Variants in NTNG1 observed in about 807,000 individuals in gnomAD.
NTNG1 encodes netrin-G1.
In NTNG1, 16 loss-of-function variants were observed where a neutral mutation model predicts 54.0. The observed-to-expected ratio is 0.30, with a 90% CI of 0.20 to 0.45. The LOEUF is 0.45. Ranked by LOEUF, NTNG1 falls within the 20% of genes least tolerant of loss-of-function variation. The pLI is 1.00. For synonymous variants in NTNG1, 255 were observed against 263.1 expected (o/e 0.97, Z 0.30); for missense variants, 530 against 678.7 (o/e 0.78, Z 2.43).
intron 2 of NTNG1, among the ~76,000 whole-genome samples, chr1:107,187,408 AC>A (rs1273511578): frequency 6.6e-6 from 1 of 152,092 alleles, no homozygotes; most frequent in Non-Finnish European, 1.5e-5. Flanking sequence ...CTTACCACCA[AC>A]CAATTTCAAG....
intron 3 of NTNG1, among the ~76,000 whole-genome samples, chr1:107,381,743 A>G (rs893237015): frequency 6.6e-6 from 1 of 152,242 alleles, no homozygotes; most frequent in Non-Finnish European, 1.5e-5. Flanking sequence ...TTACATAACT[A>G]GGAATCCAGG....
intron 7 of NTNG1, among the ~76,000 whole-genome samples, chr1:107,454,320 C>T (rs1676800170): frequency 6.6e-6 from 1 of 152,170 alleles, no homozygotes; most frequent in Non-Finnish European, 1.5e-5. Context: ...GAATCAACAA[C>T]TATTGCACCC....
At position 107,200,078 on chromosome 1, in the gene NTNG1, A is replaced by C. The variant is rs143777805; in HGVS notation, c.246+51239A>C. Among the ~76,000 whole-genome samples the C allele has an allele frequency of 2.7e-3, 411 of 151,896 alleles. 4 individuals are homozygous for C. The highest frequency in any genetic ancestry group is 9.6e-3 in the African/African-American group (400 of 41,502). On this transcript the variant is annotated intron_variant, in intron 2 of 7. Transcript: ENST00000370068. ...TATGATTTGTTCCTTCTTTAGCCAG[A>C]TATGTACTCTAGTGACAATGCCAGA...
At chr1:107,168,249 T>G (rs1655960176) in intron 2 of NTNG1, among the ~76,000 whole-genome samples, 1 of 151,862 alleles carries the variant, frequency 6.6e-6, no homozygotes, top group South Asian at 2.1e-4. Flanking sequence ...ACTGGTAAAG[T>G]CCTCATTTTC....
chr1:107,383,349 A>T (rs1361286351), intron 3 of NTNG1, among the ~76,000 whole-genome samples: 1 of 152,182 alleles, frequency 6.6e-6, no homozygotes, highest in African/African-American at 2.4e-5. Context: ...CTTTTCTCAC[A>T]GTTTCCCCTA....
chr1:107,354,510 G>C (rs1389191953), intron 3 of NTNG1, among the ~76,000 whole-genome samples: 3 of 144,798 alleles, frequency 2.1e-5, no homozygotes, highest in East Asian at 2.0e-4. Flanking sequence ...ATCACCCCAA[G>C]TATTATGATA....
chr1:107,431,014 C>T, intron 6 of NTNG1, 97 bp downstream of exon 6: 1 of 1,067,234 alleles, frequency 9.4e-7, no homozygotes, highest in Non-Finnish European at 1.4e-6. Flanking sequence ...CGCGGTTGAG[C>T]CAGAATGAAC....
intron 7 of NTNG1, among the ~76,000 whole-genome samples, chr1:107,459,016 A>G (rs1677118559): frequency 1.3e-5 from 2 of 152,134 alleles, no homozygotes; most frequent in South Asian, 2.1e-4. Context: ...CATTTTCCAT[A>G]TGTATTGTTT....
chr1:107,284,739 G>A (rs1411273681), intron 2 of NTNG1, among the ~76,000 whole-genome samples: 1 of 151,964 alleles, frequency 6.6e-6, no homozygotes, highest in Non-Finnish European at 1.5e-5. Flanking sequence ...AAGTGTGCTG[G>A]CATAACTATG....
At chr1:107,439,517 T>C (rs1246397549) in intron 7 of NTNG1, among the ~76,000 whole-genome samples, 1 of 152,082 alleles carries the variant, frequency 6.6e-6, no homozygotes, top group Non-Finnish European at 1.5e-5. Context: ...TTCTAGCTAC[T>C]AAGTAAAGAA....
intron 2 of NTNG1, among the ~76,000 whole-genome samples, chr1:107,169,747 G>C (rs1490047044): frequency 6.6e-6 from 1 of 152,156 alleles, no homozygotes; most frequent in African/African-American, 2.4e-5. Flanking sequence ...TATCAGTCAG[G>C]GTTAGTCATT....
chr1:107,483,772 A>G lies in NTNG1; in HGVS notation c.*2932A>G, dbSNP rs1178739878. Among the ~76,000 whole-genome samples, 1 of 152,216 alleles carries G rather than the reference A, an allele frequency of 6.6e-6. No homozygotes were observed. Among genetic ancestry groups the G allele is most frequent in the Non-Finnish European group, 1.5e-5 (1 of 68,040 alleles). ...CAACTTTCCCACATAGAACTGATAT[A>G]ATTCCTTCTATCAATAATATTGATG... is the stretch of plus-strand genomic sequence containing the variant. On this transcript the variant is annotated 3_prime_UTR_variant, in exon 8 of 8. Coordinates refer to ENST00000370068, the MANE Select transcript of NTNG1 (RefSeq NM_001113226.3).
At chr1:107,144,180 A>G (rs1653940980) in intron 1 of NTNG1, among the ~76,000 whole-genome samples, 1 of 152,140 alleles carries the variant, frequency 6.6e-6, no homozygotes, top group African/African-American at 2.4e-5. Context: ...AATAAATTTC[A>G]TTATGACTGT....
intron 2 of NTNG1, among the ~76,000 whole-genome samples, chr1:107,258,442 T>TA (rs1287400604): frequency 1.3e-5 from 2 of 152,010 alleles, no homozygotes; most frequent in South Asian, 2.1e-4. Context: ...TGCATTTTAT[T>TA]AAAAAAAATA....
chr1:107,315,250 T>G (rs1241315344), intron 2 of NTNG1, among the ~76,000 whole-genome samples: 1 of 152,108 alleles, frequency 6.6e-6, no homozygotes, highest in Non-Finnish European at 1.5e-5. Context: ...TTCTGTCCAT[T>G]TCCACTCCTC....
chr1:107,244,257 T>C (rs1662036590), intron 2 of NTNG1, among the ~76,000 whole-genome samples: 1 of 152,262 alleles, frequency 6.6e-6, no homozygotes, highest in Non-Finnish European at 1.5e-5. Context: ...AAAGTACTAA[T>C]AAAATAGATA....
intron 2 of NTNG1, among the ~76,000 whole-genome samples, chr1:107,152,029 T>TAC (rs1654609383): frequency 6.8e-6 from 1 of 148,052 alleles, no homozygotes; most frequent in African/African-American, 2.6e-5. Context: ...TACATATATA[T>TAC]ATACATACAT....
chr1:107,342,326 G>A (rs192561506), intron 3 of NTNG1, among the ~76,000 whole-genome samples: 1 of 152,022 alleles, frequency 6.6e-6, no homozygotes, highest in African/African-American at 2.4e-5. Context: ...TAATTACAGA[G>A]GCATTACCAT....
intron 2 of NTNG1, among the ~76,000 whole-genome samples, chr1:107,295,720 G>GTA (rs531794918): frequency 0.011 from 1,658 of 150,882 alleles, 20 homozygotes; most frequent in African/African-American, 0.032. Flanking sequence ...TGCATAGAAA[G>GTA]TATATATATA....
Sources: allele counts gnomAD v4.1 joint callset (sites outside exome capture counted in the v4.1 genomes callset), GRCh38; gene constraint gnomAD v4.1.1; transcripts MANE v1.5; gene names NCBI Gene and HGNC (gene_info 2026-07-23, HGNC 2026-07-21).